The following DLC1 variants were observed in gnomAD, a reference collection of about 807,000 sequenced individuals.
DLC1 encodes the protein DLC1 Rho GTPase activating protein.
In DLC1, 54 loss-of-function variants were observed where a neutral mutation model predicts 140.3. That is an observed-to-expected ratio of 0.38 (90% CI 0.31 to 0.48). The LOEUF (loss-of-function observed/expected upper bound fraction) is 0.48. DLC1 is among the 20% of genes least tolerant of loss of function. DLC1 has a pLI of 0.96. For synonymous variants in DLC1, 986 were observed against 728.1 expected, an observed-to-expected ratio of 1.35 and a Z score of -5.70; for missense variants, 2,536 against 1,907.0, an observed-to-expected ratio of 1.33 and a Z score of -6.14.
At chr8:13,555,544 G>T (rs1044022374) in intron 1 of DLC1, among the ~76,000 whole-genome samples, 1 of 151,940 alleles carries the variant, frequency 6.6e-6, no homozygotes, top group African/African-American at 2.4e-5. Context: ...CAGGCTGGAG[G>T]GCAGTGGTAT....
intron 4 of DLC1, 151 bp downstream of exon 4, chr8:13,393,402 G>T: frequency 1.2e-6 from 1 of 842,618 alleles, no homozygotes; most frequent in Non-Finnish European, 1.7e-6. Flanking sequence ...CATTTTTCTA[G>T]GGTTGTACTT....
rs1018755093 is a variant in DLC1 at position 13,356,157 on chromosome 8, G to C, written c.1314+37396C>G. The stretch of plus-strand genomic sequence containing the variant: ...AGTTAAGTACTTTTTTGATGATGCA[G>C]GGGAGTTTAATTCGAATAATAACCA... On this transcript the variant is annotated intron_variant, in intron 4 of 17. Coordinates refer to ENST00000276297, the MANE Select transcript of DLC1 (RefSeq NM_182643.3). 6.0e-5 allele frequency among the ~76,000 whole-genome samples: 9 copies of C among 150,958 alleles called. No homozygotes were observed. The East Asian group carries it at 1.7e-3, about 29-fold the overall frequency.
At chr8:13,197,740 A>G (rs919981657) in intron 5 of DLC1, among the ~76,000 whole-genome samples, 1 of 152,156 alleles carries the variant, frequency 6.6e-6, no homozygotes, top group Admixed American at 6.6e-5. Flanking sequence ...GGGGTAAACA[A>G]AAAAAGAAGG....
At position 13,552,634 on chromosome 8, in the gene DLC1, T is replaced by C. The variant is rs1259510277; in HGVS notation, c.-126+51903A>G. On this transcript the variant is annotated intron_variant, in intron 1 of 1. Transcript: ENST00000631382. The stretch of plus-strand genomic sequence containing the variant: ...ATACTATGTACTAGAAATGTGTTCA[T>C]AGAGTATTAATTTCTGAGAATATTA... Among the ~76,000 whole-genome samples, 4 of 151,694 alleles carry C rather than the reference T, an allele frequency of 2.6e-5. No homozygotes were observed. In the East Asian group the frequency reaches 5.8e-4, roughly 22 times the overall value.
chr8:13,225,646 C>G (rs1264039598), intron 5 of DLC1, among the ~76,000 whole-genome samples: 1 of 145,706 alleles, frequency 6.9e-6, no homozygotes, highest in Non-Finnish European at 1.5e-5. Flanking sequence ...GATGGAGTCT[C>G]ACTCTGCTGC....
rs150578138 is a variant in DLC1 at position 13,423,046 on chromosome 8, G to A, written c.1024-21427C>T. On this transcript the variant is annotated intron_variant, in intron 2 of 17. Transcript: ENST00000276297. ...CTGAAGGAGTTGGGGGGTGATGTAAGACTCTAGCTCTAGCTCAGTTCTTAT... is the reference window on the plus strand; with the variant it reads ...CTGAAGGAGTTGGGGGGTGATGTAAAACTCTAGCTCTAGCTCAGTTCTTAT... Among the ~76,000 whole-genome samples, 562 of 152,250 alleles carry A rather than the reference G, an allele frequency of 3.7e-3. 6 individuals are homozygous for A. Among genetic ancestry groups the A allele is most frequent in the Admixed American group, 0.024 (361 of 15,282 alleles).
At chr8:13,487,056 T>C (rs1296858694) in intron 2 of DLC1, among the ~76,000 whole-genome samples, 1 of 152,222 alleles carries the variant, frequency 6.6e-6, no homozygotes, top group Non-Finnish European at 1.5e-5. Flanking sequence ...TGCTGCGGTT[T>C]CCTTTTGGAA....
chr8:13,281,347 GT>G (rs565581910), intron 5 of DLC1, among the ~76,000 whole-genome samples: 4 of 152,278 alleles, frequency 2.6e-5, no homozygotes, highest in African/African-American at 9.6e-5. Flanking sequence ...ACTATTAGGT[GT>G]ATATTGATGT....
intron 5 of DLC1, among the ~76,000 whole-genome samples, chr8:13,289,795 C>T (rs77759695): frequency 0.064 from 9,757 of 152,190 alleles, 358 homozygotes; most frequent in South Asian, 0.12. Flanking sequence ...ATGTGAGTGG[C>T]GTGACACCCA....
chr8:13,232,034 A>G (rs1829069892), intron 5 of DLC1, among the ~76,000 whole-genome samples: 1 of 151,982 alleles, frequency 6.6e-6, no homozygotes, highest in South Asian at 2.1e-4. Context: ...TGAGCCATCC[A>G]TGGCTTCTCA....
chr8:13,499,088 C>T lies in DLC1; in HGVS notation c.984G>A (p.Gln328=), dbSNP rs748832111. 23 of 1,613,592 alleles carry T rather than the reference C, an allele frequency of 1.4e-5. No individual in the cohort carries two copies. The highest frequency in any genetic ancestry group is 7.7e-5 in the South Asian group (7 of 91,044). ...CLQLKETLAT[Q]EPTDNQVRLR... ...GTCTGACTTGGTTATCTGTGGGTTC[C>T]TGGGTGGCCAGGGTCTCCTTTAATT... Residue 328 remains glutamine (Q), a synonymous_variant, in exon 2 of 18, where the codon CAG becomes CAA. Transcript: ENST00000276297.
chr8:13,184,474 G>A (rs941632613), intron 5 of DLC1, among the ~76,000 whole-genome samples: 1 of 152,176 alleles, frequency 6.6e-6, no homozygotes, highest in African/African-American at 2.4e-5. Flanking sequence ...CTTTAAATGT[G>A]TGCCAGAGAT....
At chr8:13,527,390 A>G (rs1802949736) in intron 1 of DLC1, among the ~76,000 whole-genome samples, 1 of 152,106 alleles carries the variant, frequency 6.6e-6, no homozygotes, top group South Asian at 2.1e-4. Context: ...AATATGTCAA[A>G]TTTCATTGAT....
intron 5 of DLC1, among the ~76,000 whole-genome samples, chr8:13,153,041 T>G (rs897826083): frequency 2.0e-5 from 3 of 152,208 alleles, no homozygotes; most frequent in Admixed American, 6.5e-5. Context: ...TACCCTATGC[T>G]CTTCCTTAAA....
intron 15 of DLC1, among the ~76,000 whole-genome samples, chr8:13,089,158 C>G (rs373305461): frequency 5.5e-4 from 83 of 152,018 alleles, no homozygotes; most frequent in African/African-American, 2.0e-3. Flanking sequence ...ACTCAGGAGG[C>G]TGAGGAAGGA....
intron 2 of DLC1, among the ~76,000 whole-genome samples, chr8:13,403,935 A>G (rs1837414348): frequency 6.6e-6 from 1 of 151,054 alleles, no homozygotes; most frequent in Non-Finnish European, 1.5e-5. Context: ...CTGGGATTAC[A>G]GGTTTCTTAA....
At chr8:13,189,329 C>A (rs1044307480) in intron 5 of DLC1, among the ~76,000 whole-genome samples, 6 of 152,138 alleles carry the variant, frequency 3.9e-5, no homozygotes, top group Admixed American at 3.9e-4. Flanking sequence ...AAATAAATTG[C>A]GTGCTGGGTG....
chr8:13,571,753 T>A (rs1192805963), intron 1 of DLC1, among the ~76,000 whole-genome samples: 1 of 152,238 alleles, frequency 6.6e-6, no homozygotes, highest in Admixed American at 6.5e-5. Flanking sequence ...CACGTGGTAA[T>A]TCTATGTTTA....
intron 6 of DLC1, among the ~76,000 whole-genome samples, chr8:13,112,484 G>C (rs184502033): frequency 9.2e-5 from 14 of 152,252 alleles, no homozygotes; most frequent in Admixed American, 3.3e-4. Flanking sequence ...GACCAAGGAA[G>C]TGGCTATAGT....
Sources: gnomAD v4.1 joint callset for allele counts (sites outside exome capture counted in the v4.1 genomes callset) on GRCh38, gnomAD v4.1.1 for gene constraint, MANE v1.5 for transcripts, NCBI Gene and HGNC (gene_info 2026-07-23, HGNC 2026-07-21) for gene names.